The following PLA2R1 variants were observed in gnomAD, a reference collection of about 807,000 sequenced individuals.
PLA2R1 encodes the protein secretory phospholipase A2 receptor.
Under a neutral mutation model 195.9 loss-of-function variants are expected in PLA2R1, and 158 were observed. That is an observed-to-expected ratio of 0.81 (90% CI 0.71 to 0.92). PLA2R1 has a LOEUF of 0.92. PLA2R1 is among the 40% of genes least tolerant of loss of function. PLA2R1 has a pLI of 0.00. For synonymous variants in PLA2R1, 586 were observed against 598.2 expected (o/e 0.98, Z 0.30); for missense variants, 1,626 against 1,764.6 (o/e 0.92, Z 1.41).
At chr2:159,924,642 T>C in the PLA2R1 span, among the ~76,000 whole-genome samples, 2 of 148,142 alleles carry the variant, frequency 1.4e-5, no homozygotes, top group Non-Finnish European at 3.0e-5. Flanking sequence ...TATTGCTGAA[T>C]GCTTTGGGCA....
intron 7 of PLA2R1, 50 bp from the exon 8 acceptor site, chr2:160,020,313 GA>G: frequency 3.0e-6 from 4 of 1,317,908 alleles, no homozygotes; most frequent in Non-Finnish European, 4.3e-6. Flanking sequence ...ATTTGCAAAG[GA>G]GATAACACCC....
intron 10 of PLA2R1, among the ~76,000 whole-genome samples, chr2:160,007,040 G>A (rs970428700): frequency 2.0e-5 from 3 of 152,174 alleles, no homozygotes; most frequent in African/African-American, 7.2e-5. Flanking sequence ...TCATACTTTA[G>A]TAAATATTTT....
chr2:159,962,773 C>T (rs1461187709), intron 20 of PLA2R1, among the ~76,000 whole-genome samples: 2 of 152,126 alleles, frequency 1.3e-5, no homozygotes, highest in African/African-American at 4.8e-5. Flanking sequence ...TCTCAGCAAA[C>T]TAACACAGGA....
intron 28 of PLA2R1, among the ~76,000 whole-genome samples, chr2:159,943,234 T>A (rs1687188966): frequency 6.6e-6 from 1 of 152,142 alleles, no homozygotes; most frequent in South Asian, 2.1e-4. Flanking sequence ...CCTCCCAAAG[T>A]GCTGGGATTT....
intron 20 of PLA2R1, among the ~76,000 whole-genome samples, chr2:159,957,780 A>T (rs1017865605): frequency 2.0e-5 from 3 of 152,224 alleles, no homozygotes; most frequent in Admixed American, 1.3e-4. Context: ...TGGTAGGAAC[A>T]GATGGAGTTT....
chr2:159,953,224 C>T (rs982248916), intron 23 of PLA2R1, among the ~76,000 whole-genome samples: 1 of 152,182 alleles, frequency 6.6e-6, no homozygotes, highest in African/African-American at 2.4e-5. Context: ...GGTTTTGCCA[C>T]CCATTGCCCT....
intron 23 of PLA2R1, among the ~76,000 whole-genome samples, chr2:159,953,568 C>T (rs1265797548): frequency 6.6e-6 from 1 of 152,180 alleles, no homozygotes; most frequent in African/African-American, 2.4e-5. Context: ...ATGCAGAAAT[C>T]ATGATCACAG....
At chr2:159,924,030 G>GTGCTCT in the PLA2R1 span, among the ~76,000 whole-genome samples, 1 of 151,736 alleles carries the variant, frequency 6.6e-6, no homozygotes, top group Non-Finnish European at 1.5e-5. Flanking sequence ...TGGCAGGGCT[G>GTGCTCT]CGCTCTCTCT....
At chr2:160,013,717 C>CTGTGTG (rs1468973726) in intron 9 of PLA2R1, among the ~76,000 whole-genome samples, 6 of 109,394 alleles carry the variant, frequency 5.5e-5, no homozygotes, top group African/African-American at 2.1e-4. Flanking sequence ...CTCTCTCTCT[C>CTGTGTG]TCTCTGTGTG....
At chr2:159,988,944 C>T (rs1401697112) in intron 11 of PLA2R1, among the ~76,000 whole-genome samples, 1 of 152,182 alleles carries the variant, frequency 6.6e-6, no homozygotes, top group Non-Finnish European at 1.5e-5. Flanking sequence ...TCTTCAACAG[C>T]GCTGGCTGCA....
intron 21 of PLA2R1, 33 bp downstream of exon 21, chr2:159,956,477 T>G (rs746595094): frequency 9.2e-7 from 1 of 1,089,326 alleles, no homozygotes; most frequent in South Asian, 1.3e-5. Context: ...TAAAAATGGT[T>G]ATCTTGGCCT....
chr2:160,023,725 C>T (rs1693303338), intron 6 of PLA2R1, among the ~76,000 whole-genome samples: 1 of 152,182 alleles, frequency 6.6e-6, no homozygotes, highest in Non-Finnish European at 1.5e-5. Flanking sequence ...GGGTTTGGAT[C>T]AGGACCCCTT....
chr2:160,033,574 G>C (rs1385440477), intron 3 of PLA2R1, among the ~76,000 whole-genome samples: 1 of 152,204 alleles, frequency 6.6e-6, no homozygotes, highest in Non-Finnish European at 1.5e-5. Context: ...AAAGGATACA[G>C]TAGGAATATG....
rs1201005108 is a variant in PLA2R1, at chr2:160,028,213, C to T, written c.1099+5G>A. The T allele has an allele frequency of 6.4e-7, 1 of 1,573,336 alleles. No homozygotes were observed. Among genetic ancestry groups the T allele is most frequent in the African/African-American group, 1.4e-5 (1 of 72,926 alleles). ...CTAAGAACAACTTAAAATAAAAACG[C>T]TTACCAACTATTTCATGATCAATGT... is the stretch of plus-strand genomic sequence containing the variant. On this transcript the variant is annotated splice_donor_5th_base_variant and intron_variant, in intron 6 of 29. Transcript: ENST00000283243.
intron 13 of PLA2R1, among the ~76,000 whole-genome samples, chr2:159,982,349 T>C (rs1160443179): frequency 6.6e-6 from 1 of 152,082 alleles, no homozygotes; most frequent in Non-Finnish European, 1.5e-5. Flanking sequence ...GCCAGAAAGC[T>C]CTGTATTAAA....
rs1241479062 is a variant in PLA2R1, at chr2:159,941,496, G to A, written c.*282C>T. On this transcript the variant is annotated 3_prime_UTR_variant, in exon 30 of 30. Transcript: ENST00000283243. ...AACTATTATTCGCATTGATTTCAGA[G>A]TTTTCAATAGGGAGTTTCTTTTAAT... 1 of 236,720 alleles carries A rather than the reference G, an allele frequency of 4.2e-6. No homozygotes were observed. Among genetic ancestry groups the A allele is most frequent in the Non-Finnish European group, 8.2e-6 (1 of 122,572 alleles). The allele number at this position is 236,720 out of a possible 1,614,324, so 14.7% of individuals were successfully genotyped here. A position where few individuals can be genotyped will look rare whatever the true frequency, so the allele number is the denominator to read the frequency against.
chr2:159,979,118 A>G (rs1367968199), intron 14 of PLA2R1, among the ~76,000 whole-genome samples: 1 of 152,202 alleles, frequency 6.6e-6, no homozygotes, highest in Non-Finnish European at 1.5e-5. Flanking sequence ...GGCTCTTAGG[A>G]GTCTCCCCAT....
At chr2:159,971,361 A>G (rs1336952789) in intron 17 of PLA2R1, among the ~76,000 whole-genome samples, 1 of 152,124 alleles carries the variant, frequency 6.6e-6, no homozygotes, top group Non-Finnish European at 1.5e-5. Flanking sequence ...ACAAAAAGAA[A>G]ATTATCCTTT....
At chr2:159,988,320 G>T (rs927178608) in intron 11 of PLA2R1, among the ~76,000 whole-genome samples, 7 of 151,458 alleles carry the variant, frequency 4.6e-5, no homozygotes, top group Non-Finnish European at 1.0e-4. Flanking sequence ...ATAAAAAATT[G>T]TACATCCGCA....
Sources: allele counts gnomAD v4.1 joint callset (sites outside exome capture counted in the v4.1 genomes callset), GRCh38; gene constraint gnomAD v4.1.1; transcripts MANE v1.5; gene names NCBI Gene and HGNC (gene_info 2026-07-23, HGNC 2026-07-21).